PIK3CB: variants seen among roughly 807,000 people sequenced by gnomAD.
PIK3CB encodes the protein phosphatidylinositol-4,5-bisphosphate 3-kinase catalytic subunit beta.
A neutral mutation model predicts 136.8 loss-of-function variants in PIK3CB; 39 were observed. The observed-to-expected ratio is 0.29, with a 90% CI of 0.22 to 0.37. The LOEUF is 0.37. Among genes scored for constraint, PIK3CB ranks in the 10% least tolerant of loss-of-function variants. PIK3CB has a pLI of 1.00. For missense variants in PIK3CB, 868 were observed against 1,275.4 expected, an observed-to-expected ratio of 0.68 and a Z score of 4.87; for synonymous variants, 428 against 436.6, an observed-to-expected ratio of 0.98 and a Z score of 0.25.
At chr3:138,807,029 G>A (rs2046241880) in intron 1 of PIK3CB, among the ~76,000 whole-genome samples, 1 of 152,164 alleles carries the variant, frequency 6.6e-6, no homozygotes, top group South Asian at 2.1e-4. Context: ...TTATAAATAT[G>A]AGCCACTTAT....
intron 2 of PIK3CB, among the ~76,000 whole-genome samples, chr3:138,760,491 C>A (rs1000903713): frequency 1.3e-5 from 2 of 152,126 alleles, no homozygotes; most frequent in Admixed American, 6.6e-5. Context: ...TTAAGTCTTA[C>A]CTATTCCTTA....
intron 2 of PIK3CB, among the ~76,000 whole-genome samples, chr3:138,776,560 G>A (rs1035007037): frequency 1.7e-4 from 26 of 152,026 alleles, no homozygotes; most frequent in African/African-American, 5.6e-4. Flanking sequence ...TTAGCTGGGC[G>A]TGGTAGCACA....
At chr3:138,768,491 A>G (rs2108757170) in intron 2 of PIK3CB, among the ~76,000 whole-genome samples, 1 of 152,196 alleles carries the variant, frequency 6.6e-6, no homozygotes, top group East Asian at 1.9e-4. Context: ...GCAGGCCCGG[A>G]AAAGGCACAA....
chr3:138,784,926 AC>A (rs1195030154), intron 2 of PIK3CB, among the ~76,000 whole-genome samples: 6 of 145,598 alleles, frequency 4.1e-5, no homozygotes, highest in Non-Finnish European at 7.5e-5. Context: ...CCCGGCCGCC[AC>A]CCCGTCTGGG....
intron 8 of PIK3CB, among the ~76,000 whole-genome samples, chr3:138,725,421 T>C (rs1338018555): frequency 6.6e-6 from 1 of 152,170 alleles, no homozygotes; most frequent in East Asian, 1.9e-4. Flanking sequence ...CCTTAAGTAG[T>C]CTTCCTGAAC....
intron 11 of PIK3CB, among the ~76,000 whole-genome samples, chr3:138,705,622 T>C (rs1385296373): frequency 2.6e-5 from 4 of 152,222 alleles, no homozygotes; most frequent in Non-Finnish European, 5.9e-5. Flanking sequence ...ATTACATAAA[T>C]TTAATTTGCT....
chr3:138,717,474 C>A (rs1462093931), intron 8 of PIK3CB, among the ~76,000 whole-genome samples: 1 of 151,736 alleles, frequency 6.6e-6, no homozygotes, highest in Non-Finnish European at 1.5e-5. Flanking sequence ...GCAAAATGAC[C>A]ACAGTCAATC....
rs556506352 is a variant in PIK3CB, at chr3:138,787,725, T to C, written c.-17+8738A>G. 6.6e-5 allele frequency among the ~76,000 whole-genome samples: 10 copies of C among 152,076 alleles called. No individual in the cohort carries two copies. The East Asian group carries it at 1.4e-3, about 21-fold the overall frequency. On this transcript the variant is annotated intron_variant, in intron 2 of 23. Transcript: ENST00000674063. ...AGGAGGTTAACAAATGTATTCTTTT[T>C]TTTTTTTTTAAAGAAAGAAAAAAAA...
intron 23 of PIK3CB, 99 bp from the exon 24 acceptor site, chr3:138,655,625 C>A (rs2108383655): frequency 1.2e-6 from 1 of 840,102 alleles, no homozygotes. Flanking sequence ...CCTCCCCAGC[C>A]ACCATCAGGC....
chr3:138,832,847 A>C (rs1203518721), intron 1 of PIK3CB, among the ~76,000 whole-genome samples: 1 of 147,398 alleles, frequency 6.8e-6, no homozygotes, highest in East Asian at 2.0e-4. Context: ...AAAAAAAAAA[A>C]AACAAAATTG....
intron 4 of PIK3CB, among the ~76,000 whole-genome samples, chr3:138,750,237 T>TAG (rs148636662): frequency 0.031 from 4,747 of 152,254 alleles, 246 homozygotes; most frequent in African/African-American, 0.11. Context: ...CTAATTAGCA[T>TAG]ATCTATCACC....
At chr3:138,809,147 G>A (rs1051431522) in intron 1 of PIK3CB, among the ~76,000 whole-genome samples, 7 of 150,958 alleles carry the variant, frequency 4.6e-5, no homozygotes, top group African/African-American at 9.7e-5. Flanking sequence ...GCATGGTGGC[G>A]CGCACCTGTA....
rs779015111 is a variant in PIK3CB, at chr3:138,683,784, A to G, written c.2319T>C (p.Val773=). ...TGGAATCCATGTATTTGCACTTTTC[A>G]ACACTGAAATCAAGTGGGGAAAATT... The part of the protein sequence containing the change: ...NPCVILSELY[V]EKCKYMDSKM... The change falls in exon 18 of 24, where the codon GTT becomes GTC. Residue 773 remains valine, a synonymous_variant. Transcript: ENST00000674063. 9.8e-6 allele frequency: 15 copies of G among 1,531,868 alleles called. No homozygotes were observed. Among genetic ancestry groups the G allele is most frequent in the Non-Finnish European group, 1.4e-5 (15 of 1,105,936 alleles). The allele number at this position is 1,531,868 out of a possible 1,614,324, so 94.9% of individuals were successfully genotyped here.
At chr3:138,712,772 G>T (rs2044530769) in intron 9 of PIK3CB, among the ~76,000 whole-genome samples, 1 of 151,988 alleles carries the variant, frequency 6.6e-6, no homozygotes, top group African/African-American at 2.4e-5. Context: ...TTGCCGTGTA[G>T]GACAGGCTGG....
rs1187483139 is a variant in PIK3CB at position 138,834,792 on chromosome 3, G to A, written c.-219C>T. The A allele has an allele frequency of 2.0e-5, 3 of 153,240 alleles. No homozygotes were observed. The highest frequency in any genetic ancestry group is 6.6e-5 in the Admixed American group (1 of 15,192). The allele number at this position is 153,240 out of a possible 1,614,324, so 9.5% of individuals were successfully genotyped here. A position where few individuals can be genotyped will look rare whatever the true frequency, so the allele number is the denominator to read the frequency against. On this transcript the variant is annotated 5_prime_UTR_variant, in exon 1 of 24. Coordinates refer to ENST00000674063, the MANE Select transcript of PIK3CB (RefSeq NM_006219.3). Reference sequence around the variant, plus strand: ...GCTCCACTCCGGCGCCCCCATCCCTGCCTCTCTCGATCACCTCCCGCCTGC... The same window carrying A: ...GCTCCACTCCGGCGCCCCCATCCCTACCTCTCTCGATCACCTCCCGCCTGC...
chr3:138,732,393 C>G (rs1336519729), intron 8 of PIK3CB, among the ~76,000 whole-genome samples: 1 of 152,158 alleles, frequency 6.6e-6, no homozygotes, highest in Non-Finnish European at 1.5e-5. Context: ...CCCCCAAAAT[C>G]TTTAATACCC....
At chr3:138,741,365 G>A (rs772803628) in intron 5 of PIK3CB, among the ~76,000 whole-genome samples, 1 of 152,178 alleles carries the variant, frequency 6.6e-6, no homozygotes. Flanking sequence ...AACAACGCTT[G>A]TAAGGTTGGT....
intron 3 of PIK3CB, among the ~76,000 whole-genome samples, chr3:138,758,389 A>G (rs1485088757): frequency 1.3e-5 from 2 of 152,220 alleles, no homozygotes; most frequent in East Asian, 1.9e-4. Flanking sequence ...CAGGTTATGT[A>G]TATTTCACAA....
chr3:138,826,440 G>T, intron 1 of PIK3CB: 10 of 751,530 alleles, frequency 1.3e-5, no homozygotes, highest in Middle Eastern at 4.5e-4. Flanking sequence ...ACTGGTTAAT[G>T]ATAACAATGC....
Sources: allele counts gnomAD v4.1 joint callset (sites outside exome capture counted in the v4.1 genomes callset), GRCh38; gene constraint gnomAD v4.1.1; transcripts MANE v1.5; gene names NCBI Gene and HGNC (gene_info 2026-07-23, HGNC 2026-07-21).